The following CEP57 variants were observed in gnomAD, a reference collection of about 807,000 sequenced individuals.
CEP57 encodes centrosomal protein of 57 kDa.
CEP57 carries 40 observed loss-of-function variants against 68.0 expected under a neutral mutation model. The observed-to-expected ratio is 0.59, with a 90% CI of 0.46 to 0.77. The LOEUF is 0.77. Ranked by LOEUF, CEP57 falls within the 30% of genes least tolerant of loss-of-function variation. The pLI is 0.00. For synonymous variants in CEP57, 219 were observed against 198.7 expected (o/e 1.10, Z -0.86); for missense variants, 606 against 580.7 (o/e 1.04, Z -0.45).
chr11:95,829,083 G>T, intron 9 of CEP57, 104 bp from the exon 10 acceptor site: 1 of 1,202,224 alleles, frequency 8.3e-7, no homozygotes, highest in Non-Finnish European at 1.2e-6. Context: ...AAAAAATGGA[G>T]TCATTTTTTA....
chr11:95,819,568 G>A (rs1037130751), intron 6 of CEP57, among the ~76,000 whole-genome samples: 5 of 152,204 alleles, frequency 3.3e-5, no homozygotes, highest in Non-Finnish European at 5.9e-5. Flanking sequence ...TTTAACTGAA[G>A]ACACTCTCGT....
intron 2 of CEP57, among the ~76,000 whole-genome samples, chr11:95,807,596 A>T (rs1037720346): frequency 6.6e-6 from 1 of 152,214 alleles, no homozygotes; most frequent in African/African-American, 2.4e-5. Flanking sequence ...AGCCGATTCA[A>T]TCAAGTGGAA....
intron 8 of CEP57, among the ~76,000 whole-genome samples, chr11:95,823,926 A>G (rs1462590364): frequency 6.6e-6 from 1 of 152,146 alleles, no homozygotes; most frequent in East Asian, 1.9e-4. Context: ...AGTGCTACTA[A>G]TGATGGTGGA....
At chr11:95,799,416 A>G in intron 2 of CEP57, 28 bp downstream of exon 2, 1 of 1,612,992 alleles carries the variant, frequency 6.2e-7, no homozygotes, top group Non-Finnish European at 8.5e-7. Flanking sequence ...AATAAATGTT[A>G]TTTGTGTTTT....
At chr11:95,804,907 C>G (rs1292113297) in intron 2 of CEP57, among the ~76,000 whole-genome samples, 1 of 152,042 alleles carries the variant, frequency 6.6e-6, no homozygotes, top group Non-Finnish European at 1.5e-5. Flanking sequence ...AAATTATCCT[C>G]TGCATTTATT....
At chr11:95,790,815 G>T in intron 1 of CEP57, 72 bp downstream of exon 1, 1 of 1,556,454 alleles carries the variant, frequency 6.4e-7, no homozygotes, top group Non-Finnish European at 8.8e-7. Context: ...CACGTTTCAG[G>T]GCGCTGTCAG....
intron 1 of CEP57, among the ~76,000 whole-genome samples, chr11:95,796,503 G>T (rs1453006347): frequency 2.0e-5 from 3 of 152,220 alleles, no homozygotes; most frequent in Admixed American, 2.0e-4. Context: ...TTAAAGGGTT[G>T]TAGTGATTTT....
intron 1 of CEP57, among the ~76,000 whole-genome samples, chr11:95,793,727 A>G (rs1861209430): frequency 6.6e-6 from 1 of 152,324 alleles, no homozygotes; most frequent in East Asian, 1.9e-4. Flanking sequence ...TTCCTTTTTC[A>G]AATGAGCAAA....
intron 4 of CEP57, among the ~76,000 whole-genome samples, chr11:95,813,974 C>T (rs1862188026): frequency 6.6e-6 from 1 of 152,194 alleles, no homozygotes; most frequent in South Asian, 2.1e-4. Flanking sequence ...TTTGTGCTTT[C>T]TTACACCAGA....
At chr11:95,823,724 A>T (rs886895906) in intron 8 of CEP57, among the ~76,000 whole-genome samples, 2 of 152,146 alleles carry the variant, frequency 1.3e-5, no homozygotes, top group Non-Finnish European at 2.9e-5. Flanking sequence ...TTCTGTTGCC[A>T]TTGTGATGAG....
chr11:95,800,216 C>G (rs1456079920), intron 2 of CEP57, among the ~76,000 whole-genome samples: 3 of 152,158 alleles, frequency 2.0e-5, no homozygotes, highest in African/African-American at 7.2e-5. Flanking sequence ...TGCTTCCAAG[C>G]TCATTAAGAT....
intron 2 of CEP57, among the ~76,000 whole-genome samples, chr11:95,805,168 A>G (rs13377395): frequency 6.6e-6 from 1 of 152,244 alleles, no homozygotes; most frequent in Admixed American, 6.5e-5. Flanking sequence ...AATGTTTGAT[A>G]TTACAAAGTC....
intron 2 of CEP57, among the ~76,000 whole-genome samples, chr11:95,810,408 A>G (rs1186699897): frequency 6.6e-6 from 1 of 152,144 alleles, no homozygotes; most frequent in Non-Finnish European, 1.5e-5. Flanking sequence ...AGGAAGTCAA[A>G]TTGTCCCTGT....
At chr11:95,822,285 TTG>T in intron 7 of CEP57, 1 of 589,862 alleles carries the variant, frequency 1.7e-6, no homozygotes, top group East Asian at 2.9e-5. Flanking sequence ...AATGTAACTG[TTG>T]TTTTGTCAAG....
chr11:95,824,665 A>G (rs1862662534), intron 8 of CEP57, among the ~76,000 whole-genome samples: 1 of 152,204 alleles, frequency 6.6e-6, no homozygotes, highest in Non-Finnish European at 1.5e-5. Context: ...GAAGTACCCT[A>G]TTCTGGAAAA....
chr11:95,797,953 C>T (rs2135254327), intron 1 of CEP57, among the ~76,000 whole-genome samples: 1 of 152,210 alleles, frequency 6.6e-6, no homozygotes, highest in Non-Finnish European at 1.5e-5. Flanking sequence ...TTAAGCTATG[C>T]AGTAATTGAG....
At chr11:95,814,377 T>TTTTTTAG (rs1862209100) in intron 4 of CEP57, among the ~76,000 whole-genome samples, 1 of 148,952 alleles carries the variant, frequency 6.7e-6, no homozygotes, top group African/African-American at 2.5e-5. Context: ...TTTTTTTTTT[T>TTTTTTAG]GAGACGGAGT....
rs540977901 is a variant in CEP57 at position 95,790,666 on chromosome 11, C to T, written c.-33C>T. 11 of 1,611,642 alleles carry T rather than the reference C, an allele frequency of 6.8e-6. No homozygotes were observed. The highest frequency in any genetic ancestry group is 6.7e-5 in the African/African-American group (5 of 74,920). The stretch of plus-strand genomic sequence containing the variant: ...AGAGCACGAGAACCTAGACCGCCCC[C>T]GAAGTGCGGAGACCCCCTGGGCAGG... On this transcript the variant is annotated 5_prime_UTR_variant, in exon 1 of 11. Coordinates refer to ENST00000325542, the MANE Select transcript of CEP57 (RefSeq NM_014679.5).
intron 8 of CEP57, 112 bp downstream of exon 8, chr11:95,822,688 A>AGTGTGTGGATCATGCCTTTACCC: frequency 1.0e-6 from 1 of 981,644 alleles, no homozygotes; most frequent in African/African-American, 1.6e-5. Context: ...TGCCTTTACC[A>AGTGTGTGGATCATGCCTTTACCC]GTGTGTGGAT....
Sources: gnomAD v4.1 joint callset for allele counts (sites outside exome capture counted in the v4.1 genomes callset) on GRCh38, gnomAD v4.1.1 for gene constraint, MANE v1.5 for transcripts, NCBI Gene and HGNC (gene_info 2026-07-23, HGNC 2026-07-21) for gene names.